MMAA: variants seen among roughly 807,000 people sequenced by gnomAD.
The protein encoded by MMAA is methylmalonic aciduria type A protein, mitochondrial.
Under a neutral mutation model 45.0 loss-of-function variants are expected in MMAA, and 41 were observed. The ratio of observed to expected loss-of-function variants is 0.91; its 90% CI spans 0.71 to 1.18. The LOEUF (loss-of-function observed/expected upper bound fraction) is 1.18. MMAA is among the 50% of genes most tolerant of loss of function. MMAA has a pLI of 0.00. For synonymous variants in MMAA, 154 were observed against 178.2 expected, an observed-to-expected ratio of 0.86 and a Z score of 1.08; for missense variants, 460 against 495.7, an observed-to-expected ratio of 0.93 and a Z score of 0.68.
intron 5 of MMAA, among the ~76,000 whole-genome samples, chr4:145,653,485 T>C (rs1728151422): frequency 6.6e-6 from 1 of 152,058 alleles, no homozygotes. Context: ...TAAATAATAA[T>C]AAAAAAAGAG....
At chr4:145,624,947 A>G (rs1578868469) in intron 1 of MMAA, 1 of 1,216,120 alleles carries the variant, frequency 8.2e-7, no homozygotes, top group Non-Finnish European at 1.2e-6. Flanking sequence ...TTCCAACTCC[A>G]TACCTTTGGG....
chr4:145,646,427 G>C, intron 4 of MMAA: 1 of 416,300 alleles, frequency 2.4e-6, no homozygotes, highest in South Asian at 2.5e-5. Context: ...TAAACATTAG[G>C]ATGATCTGTG....
rs757207009 is a variant in MMAA, at chr4:145,654,073, G to T, written c.899G>T (p.Arg300Leu). The change falls in exon 6 of 7, where the codon CGA becomes CTA. Residue 300 changes from arginine to leucine, a missense_variant. Coordinates refer to ENST00000649156, the MANE Select transcript of MMAA (RefSeq NM_172250.3). ...KSDGDLIVPA[R>L]RIQAEYVSAL... ...GATGGAGACTTGATTGTGCCAGCTCGAAGGATACAAGCGGAATATGTGAGT... is the reference window on the plus strand; with the variant it reads ...GATGGAGACTTGATTGTGCCAGCTCTAAGGATACAAGCGGAATATGTGAGT... 1 of 1,614,034 alleles carries T rather than the reference G, an allele frequency of 6.2e-7. No homozygotes were observed. The highest frequency in any genetic ancestry group is 1.3e-5 in the African/African-American group (1 of 74,914).
chr4:145,625,592 G>C, intron 1 of MMAA: 2 of 784,448 alleles, frequency 2.5e-6, no homozygotes, highest in Non-Finnish European at 4.7e-6. Context: ...TGATGGTCTG[G>C]CACAGAGCAG....
chr4:145,625,216 A>C, intron 1 of MMAA: 1 of 1,387,490 alleles, frequency 7.2e-7, no homozygotes, highest in Non-Finnish European at 1.0e-6. Context: ...ACTTTTGATA[A>C]CTTGGTTTTT....
At chr4:145,645,869 A>G (rs1180159623) in intron 3 of MMAA, 117 bp from the exon 4 acceptor site, 18 of 894,834 alleles carry the variant, frequency 2.0e-5, no homozygotes, top group South Asian at 1.9e-4. Flanking sequence ...GCTCAGTAAT[A>G]TGAAATGCAG....
intron 1 of MMAA, chr4:145,625,944 A>C (rs1216228399): frequency 2.7e-5 from 43 of 1,592,786 alleles, no homozygotes; most frequent in Non-Finnish European, 3.6e-5. Context: ...AACTCCACCA[A>C]TAGCAAGCTC....
chr4:145,639,644 A>G (rs1477448174), intron 2 of MMAA, 66 bp downstream of exon 2: 2 of 1,539,064 alleles, frequency 1.3e-6, no homozygotes, highest in Non-Finnish European at 1.7e-6. Flanking sequence ...TGTTTTTTAA[A>G]AAAAAGTCTA....
intron 6 of MMAA, among the ~76,000 whole-genome samples, chr4:145,654,720 C>T (rs1728180752): frequency 6.6e-6 from 1 of 152,090 alleles, no homozygotes; most frequent in South Asian, 2.1e-4. Context: ...ATGTCAGATA[C>T]CCAGCTCTTC....
chr4:145,646,409 G>A, intron 4 of MMAA: 1 of 448,570 alleles, frequency 2.2e-6, no homozygotes, highest in Non-Finnish European at 4.1e-6. Flanking sequence ...CATGCCAGAG[G>A]AGAACTGTAA....
rs1479907510 is a variant in MMAA at position 145,659,254 on chromosome 4, G to A, written c.*3820G>A. The stretch of plus-strand genomic sequence containing the variant: ...TTATTTATAGTCCCTGTCCCATGAA[G>A]CTTCTGTGGATTTGCTTTGTTTGTC... On this transcript the variant is annotated 3_prime_UTR_variant, in exon 7 of 7. Transcript: ENST00000649156. 5 of 152,194 alleles carry A rather than the reference G, an allele frequency of 3.3e-5. No homozygotes were observed. The South Asian group carries it at 8.3e-4, about 25-fold the overall frequency. The allele number at this position is 152,194 out of a possible 1,614,324, so 9.4% of individuals were successfully genotyped here.
chr4:145,642,437 C>T lies in MMAA; in HGVS notation c.514C>T (p.His172Tyr), dbSNP rs191727024. 17 of 1,614,122 alleles carry T rather than the reference C, an allele frequency of 1.1e-5. No homozygotes were observed. In the Admixed American group the frequency reaches 2.0e-4, roughly 19 times the overall value. Residue 172 changes from histidine to tyrosine, a missense_variant, in exon 3 of 7, where the codon CAC (histidine) becomes TAC (tyrosine). Physicochemically the swap from His to Tyr is moderately conservative, Grantham distance 83. Coordinates refer to ENST00000649156, the MANE Select transcript of MMAA (RefSeq NM_172250.3). ...TGGAAAAATGCTTACTGAGAGAGGGCACAAATTATCTGTGCTAGCTGTGGA... is the reference window on the plus strand; with the variant it reads ...TGGAAAAATGCTTACTGAGAGAGGGTACAAATTATCTGTGCTAGCTGTGGA... Reference protein sequence around the residue: ...YFGKMLTERGHKLSVLAVDPS... With the variant: ...YFGKMLTERGYKLSVLAVDPS...
At chr4:145,654,458 C>G (rs1728173645) in intron 6 of MMAA, among the ~76,000 whole-genome samples, 1 of 152,120 alleles carries the variant, frequency 6.6e-6, no homozygotes, top group Non-Finnish European at 1.5e-5. Flanking sequence ...ATTTGATTAT[C>G]TATATTGGAA....
chr4:145,630,532 C>T (rs1036410041), intron 1 of MMAA, among the ~76,000 whole-genome samples: 7 of 152,056 alleles, frequency 4.6e-5, no homozygotes, highest in African/African-American at 1.7e-4. Flanking sequence ...AGTTTGACAC[C>T]AGACTGACCA....
chr4:145,636,904 A>G (rs1727631494), intron 1 of MMAA, among the ~76,000 whole-genome samples: 1 of 152,242 alleles, frequency 6.6e-6, no homozygotes, highest in South Asian at 2.1e-4. Context: ...TCAAAAAGAT[A>G]TGTCCACATC....
rs187068763 is a variant in MMAA, at chr4:145,640,121, T to C, written c.439+543T>C. ...TTTTATTTTTTATTTTTGTACTTTATTTTTTGAGACAGTCTTGCTCTGTCG... is the reference window on the plus strand; with the variant it reads ...TTTTATTTTTTATTTTTGTACTTTACTTTTTGAGACAGTCTTGCTCTGTCG... On this transcript the variant is annotated intron_variant, in intron 2 of 6. Coordinates refer to ENST00000649156, the MANE Select transcript of MMAA (RefSeq NM_172250.3). Among the ~76,000 whole-genome samples, 241 of 152,322 alleles carry C rather than the reference T, an allele frequency of 1.6e-3. 3 individuals carry two copies. Among genetic ancestry groups the C allele is most frequent in the African/African-American group, 5.1e-3 (214 of 41,568 alleles).
chr4:145,624,952 T>G, intron 1 of MMAA: 1 of 1,154,694 alleles, frequency 8.7e-7, no homozygotes, highest in East Asian at 2.3e-5. Flanking sequence ...ACTCCATACC[T>G]TTGGGCTGGT....
intron 2 of MMAA, 103 bp from the exon 3 acceptor site, chr4:145,642,260 C>A: frequency 7.9e-7 from 1 of 1,269,014 alleles, no homozygotes; most frequent in Non-Finnish European, 1.1e-6. Flanking sequence ...GGTTTTAATA[C>A]ATTAGGGGAA....
At position 145,659,458 on chromosome 4, in the gene MMAA, T is replaced by G. The variant is rs1282541579; in HGVS notation, c.*4024T>G. ...TAACCTTGGGGCAGTTTATTTTGCT[T>G]AGACCCCTCAGCTTCTTGATAGAGT... is the stretch of plus-strand genomic sequence containing the variant. On this transcript the variant is annotated 3_prime_UTR_variant, in exon 7 of 7. Transcript: ENST00000649156. 2.0e-5 allele frequency: 3 copies of G among 152,192 alleles called. No individual in the cohort carries two copies. Among genetic ancestry groups the G allele is most frequent in the African/African-American group, 7.2e-5 (3 of 41,458 alleles). 9.4% of individuals were successfully genotyped at this position (152,192 alleles called of 1,614,324 possible). A position where few individuals can be genotyped will look rare whatever the true frequency, so the allele number is the denominator to read the frequency against.
Sources: gnomAD v4.1 joint callset for allele counts (sites outside exome capture counted in the v4.1 genomes callset) on GRCh38, gnomAD v4.1.1 for gene constraint, MANE v1.5 for transcripts, NCBI Gene and HGNC (gene_info 2026-07-23, HGNC 2026-07-21) for gene names.